CEP170: variants seen among roughly 807,000 people sequenced by gnomAD.
CEP170 encodes the protein centrosomal protein 170, also known as centrosomal protein of 170 kDa.
CEP170 carries 21 observed loss-of-function variants against 151.9 expected under a neutral mutation model. The observed-to-expected ratio is 0.14, with a 90% CI of 0.10 to 0.20. CEP170 has a LOEUF of 0.20. Among genes scored for constraint, CEP170 ranks in the 10% least tolerant of loss-of-function variants. The pLI, the probability that CEP170 is intolerant of heterozygous loss-of-function variation, is 1.00. For missense variants in CEP170, 964 were observed against 1,892.9 expected (o/e 0.51, Z 9.11); for synonymous variants, 356 against 648.8 (o/e 0.55, Z 6.86).
intron 16 of CEP170, among the ~76,000 whole-genome samples, chr1:243,136,645 T>C (rs1320303407): frequency 6.6e-6 from 1 of 152,246 alleles, no homozygotes; most frequent in Non-Finnish European, 1.5e-5. Flanking sequence ...TCAAGAAGAG[T>C]ACAATCCTTG....
chr1:243,137,860 C>T (rs1464861522), intron 16 of CEP170, among the ~76,000 whole-genome samples: 7 of 150,178 alleles, frequency 4.7e-5, no homozygotes, highest in Admixed American at 2.0e-4. Flanking sequence ...CATGGAAAAA[C>T]GTGAACTAAC....
At chr1:243,255,425 GAAAGACCAGC>G (rs2066548877), upstream of CEP170, 1 of 153,490 alleles carries the variant, frequency 6.5e-6, no homozygotes, top group Non-Finnish European at 1.5e-5. Context: ...GGCGTGCCCC[GAAAGACCAGC>G]TTGAACAATG....
intron 8 of CEP170, among the ~76,000 whole-genome samples, chr1:243,187,726 A>C (rs923526407): frequency 6.6e-6 from 1 of 152,176 alleles, no homozygotes; most frequent in African/African-American, 2.4e-5. Context: ...ATGAATTTAG[A>C]GATTACTAAC....
chr1:243,241,031 A>G (rs1197827077), intron 1 of CEP170, among the ~76,000 whole-genome samples: 2 of 152,184 alleles, frequency 1.3e-5, no homozygotes, highest in African/African-American at 2.4e-5. Context: ...TTAATATTCC[A>G]TTTTCACACT....
At chr1:243,158,450 A>G (rs2057759862) in intron 13 of CEP170, among the ~76,000 whole-genome samples, 2 of 152,324 alleles carry the variant, frequency 1.3e-5, no homozygotes, top group African/African-American at 4.8e-5. Context: ...TAAGTATGAT[A>G]AAACTCAGAC....
At chr1:243,146,259 T>G (rs2056474570) in intron 14 of CEP170, among the ~76,000 whole-genome samples, 1 of 152,164 alleles carries the variant, frequency 6.6e-6, no homozygotes, top group African/African-American at 2.4e-5. Context: ...CAGCGATTCA[T>G]AAAAAAGTAT....
At chr1:243,195,087 C>T (rs910819234) in intron 7 of CEP170, among the ~76,000 whole-genome samples, 4 of 151,854 alleles carry the variant, frequency 2.6e-5, no homozygotes, top group Non-Finnish European at 5.9e-5. Context: ...ATTATAACAG[C>T]TCATTCTGCT....
At chr1:243,249,428 A>C (rs1471908306) in intron 1 of CEP170, among the ~76,000 whole-genome samples, 1 of 131,100 alleles carries the variant, frequency 7.6e-6, no homozygotes, top group Non-Finnish European at 1.5e-5. Context: ...AAAATAAATA[A>C]ATAAATAAAT....
chr1:243,174,766 T>C (rs1174880436), intron 10 of CEP170, among the ~76,000 whole-genome samples: 6 of 152,150 alleles, frequency 3.9e-5, no homozygotes, highest in African/African-American at 1.4e-4. Flanking sequence ...ACTGCTTCGT[T>C]TTGCTTAACA....
chr1:243,152,777 T>C lies in CEP170; in HGVS notation c.3911+3444A>G, dbSNP rs1479712320. ...CTATCTCCTGACCTCGTGATCTGCC[T>C]GCCTCGGCCTCCCAAAGTGCTGGGA... is the stretch of plus-strand genomic sequence containing the variant. On this transcript the variant is annotated intron_variant, in intron 14 of 19. Transcript: ENST00000366542. Among the ~76,000 whole-genome samples the C allele has an allele frequency of 7.5e-5, 11 of 146,784 alleles. No individual in the cohort carries two copies. In the East Asian group the frequency reaches 8.3e-4, roughly 11 times the overall value.
intron 14 of CEP170, among the ~76,000 whole-genome samples, chr1:243,153,822 C>T (rs765853803): frequency 3.3e-5 from 5 of 152,190 alleles, no homozygotes; most frequent in Non-Finnish European, 7.3e-5. Context: ...TGTAGATAAT[C>T]TTCCAGTATA....
chr1:243,147,054 T>G (rs1225352787), intron 14 of CEP170, among the ~76,000 whole-genome samples: 1 of 152,110 alleles, frequency 6.6e-6, no homozygotes, highest in Admixed American at 6.6e-5. Flanking sequence ...CTTAGCAAAG[T>G]CAAATACATA....
At chr1:243,215,261 C>G (rs1240864826) in intron 3 of CEP170, among the ~76,000 whole-genome samples, 2 of 152,090 alleles carry the variant, frequency 1.3e-5, no homozygotes, top group African/African-American at 2.4e-5. Context: ...AATATGAAAT[C>G]TGGGCACCTT....
At chr1:243,188,925 T>C (rs2060102064) in intron 8 of CEP170, among the ~76,000 whole-genome samples, 1 of 152,252 alleles carries the variant, frequency 6.6e-6, no homozygotes, top group South Asian at 2.1e-4. Context: ...TCACATGTCA[T>C]TTATACACAT....
Position 243,126,642 on chromosome 1 carries a change from G to A in CEP170, c.4562C>T (p.Ser1521Phe), listed in dbSNP as rs2053728490. 6.4e-7 allele frequency: 1 copy of A among 1,564,802 alleles called. No homozygotes were observed. Among genetic ancestry groups the A allele is most frequent in the South Asian group, 1.2e-5 (1 of 85,474 alleles). ...GCTGTGGTGGTTATTCACAGGGCTG[G>A]ACTTCTGTTTCGGTGGAGATGGCAA... is the stretch of plus-strand genomic sequence containing the variant. ...AMLPSPPKQK[S>F]SPVNNHHSPG... Residue 1521 changes from serine to phenylalanine, a missense_variant, in exon 20 of 20, where the codon TCC becomes TTC. Transcript: ENST00000366542.
intron 1 of CEP170, among the ~76,000 whole-genome samples, chr1:243,236,313 G>A (rs529015497): frequency 4.6e-5 from 7 of 152,220 alleles, no homozygotes; most frequent in South Asian, 4.1e-4. Flanking sequence ...AATATACCTC[G>A]AAATGATGCA....
At chr1:243,140,230 C>G in intron 15 of CEP170, 123 bp from the exon 16 acceptor site, 7 of 1,371,938 alleles carry the variant, frequency 5.1e-6, no homozygotes, top group Non-Finnish European at 6.8e-6. Flanking sequence ...AGAGGCACAA[C>G]ATCTTCAATA....
At chr1:243,216,576 T>G (rs1263165907) in intron 3 of CEP170, among the ~76,000 whole-genome samples, 1 of 152,296 alleles carries the variant, frequency 6.6e-6, no homozygotes, top group Middle Eastern at 3.4e-3. Context: ...AGGGATTAGG[T>G]TATTAAACTC....
chr1:243,209,373 G>C (rs1241701447), intron 4 of CEP170, among the ~76,000 whole-genome samples: 1 of 151,954 alleles, frequency 6.6e-6, no homozygotes, highest in Non-Finnish European at 1.5e-5. Flanking sequence ...TTTTGGTAGA[G>C]ATGAGATTTC....
Sources: allele counts gnomAD v4.1 joint callset (sites outside exome capture counted in the v4.1 genomes callset), GRCh38; gene constraint gnomAD v4.1.1; transcripts MANE v1.5; gene names NCBI Gene and HGNC (gene_info 2026-07-23, HGNC 2026-07-21).